The following LRMDA variants were observed in gnomAD, a reference collection of about 807,000 sequenced individuals.
LRMDA encodes the protein leucine rich melanocyte differentiation associated.
A neutral mutation model predicts 29.8 loss-of-function variants in LRMDA; 18 were observed. That is an observed-to-expected ratio of 0.60 (90% CI 0.42 to 0.90). The LOEUF (loss-of-function observed/expected upper bound fraction) is 0.90. LRMDA is among the 40% of genes least tolerant of loss of function. The pLI is 0.00. For synonymous variants in LRMDA, 125 were observed against 109.4 expected (o/e 1.14, Z -0.89); for missense variants, 273 against 273.9 (o/e 1.00, Z 0.02).
intron 5 of LRMDA, among the ~76,000 whole-genome samples, chr10:76,241,041 C>T (rs888535575): frequency 6.6e-6 from 1 of 151,782 alleles, no homozygotes; most frequent in East Asian, 1.9e-4. Context: ...TGTTATCACT[C>T]ATAAATGGGA....
At chr10:75,460,760 A>G (rs998779034) in intron 2 of LRMDA, among the ~76,000 whole-genome samples, 17 of 151,740 alleles carry the variant, frequency 1.1e-4, no homozygotes, top group African/African-American at 3.9e-4. Context: ...TTTTTGGTTA[A>G]TTTGGTTTTT....
At chr10:76,315,925 C>G (rs1234999854) in intron 5 of LRMDA, among the ~76,000 whole-genome samples, 2 of 152,170 alleles carry the variant, frequency 1.3e-5, no homozygotes, top group Non-Finnish European at 2.9e-5. Flanking sequence ...GACCTGCCTG[C>G]AGAAAGGAGC....
chr10:75,834,207 T>C (rs1208282015), intron 2 of LRMDA, among the ~76,000 whole-genome samples: 6 of 152,212 alleles, frequency 3.9e-5, no homozygotes, highest in African/African-American at 1.4e-4. Flanking sequence ...ATGTATGTCA[T>C]GGGGATTCAT....
chr10:76,365,539 T>C (rs1170619512), intron 6 of LRMDA, among the ~76,000 whole-genome samples: 1 of 152,192 alleles, frequency 6.6e-6, no homozygotes, highest in Non-Finnish European at 1.5e-5. Context: ...TGGCCATTTG[T>C]ATATCTTCTT....
intron 2 of LRMDA, among the ~76,000 whole-genome samples, chr10:75,555,534 G>A (rs1326482621): frequency 6.6e-6 from 1 of 152,110 alleles, no homozygotes; most frequent in Non-Finnish European, 1.5e-5. Flanking sequence ...GGCTAGATAA[G>A]GCTGAAACAA....
At chr10:75,941,058 C>T (rs146283115) in intron 2 of LRMDA, among the ~76,000 whole-genome samples, 77 of 152,242 alleles carry the variant, frequency 5.1e-4, no homozygotes, top group African/African-American at 1.8e-3. Context: ...AAAGGCAAAA[C>T]GTAGTTCTGT....
intron 6 of LRMDA, among the ~76,000 whole-genome samples, chr10:76,547,059 C>T (rs968127865): frequency 2.0e-5 from 3 of 152,066 alleles, no homozygotes; most frequent in Admixed American, 6.5e-5. Context: ...GGAGGGGGAG[C>T]ATTAAAAGAG....
chr10:76,091,029 T>G (rs576003480), intron 5 of LRMDA, among the ~76,000 whole-genome samples: 4 of 152,330 alleles, frequency 2.6e-5, no homozygotes, highest in African/African-American at 9.6e-5. Context: ...TGCATCTTTG[T>G]AAGAGAAGGA....
chr10:75,845,775 TGG>T (rs1279167023), intron 2 of LRMDA, among the ~76,000 whole-genome samples: 10 of 152,108 alleles, frequency 6.6e-5, no homozygotes, highest in African/African-American at 2.4e-4. Flanking sequence ...TCCTGTAACT[TGG>T]ATAGAGAGGA....
At chr10:76,353,435 C>A (rs886951170) in intron 6 of LRMDA, among the ~76,000 whole-genome samples, 2 of 151,902 alleles carry the variant, frequency 1.3e-5, no homozygotes, top group African/African-American at 4.8e-5. Context: ...TTGACACATG[C>A]ATGCAGAGTC....
At chr10:76,386,062 A>G (rs1405306706) in intron 6 of LRMDA, among the ~76,000 whole-genome samples, 1 of 152,184 alleles carries the variant, frequency 6.6e-6, no homozygotes, top group Non-Finnish European at 1.5e-5. Flanking sequence ...AAAGGGAGAA[A>G]TTCTTTCAGT....
chr10:76,452,832 T>C (rs779930469), intron 6 of LRMDA, among the ~76,000 whole-genome samples: 16 of 152,224 alleles, frequency 1.1e-4, no homozygotes, highest in Non-Finnish European at 2.1e-4. Flanking sequence ...TAAACTCATA[T>C]TTATCAAATA....
At chr10:75,611,824 G>A (rs535376097) in intron 2 of LRMDA, among the ~76,000 whole-genome samples, 17 of 152,276 alleles carry the variant, frequency 1.1e-4, no homozygotes, top group African/African-American at 3.6e-4. Flanking sequence ...GCCAAATGCC[G>A]TCAGCTAGTG....
At chr10:76,376,393 C>T (rs762061708) in intron 6 of LRMDA, among the ~76,000 whole-genome samples, 4 of 152,064 alleles carry the variant, frequency 2.6e-5, no homozygotes, top group Non-Finnish European at 5.9e-5. Flanking sequence ...ATCTACCTAT[C>T]TATACATACA....
At chr10:75,625,148 G>A (rs1049705224) in intron 2 of LRMDA, among the ~76,000 whole-genome samples, 1 of 152,212 alleles carries the variant, frequency 6.6e-6, no homozygotes, top group Admixed American at 6.5e-5. Context: ...TTGGGGCAGA[G>A]CTTGAGTGGG....
intron 2 of LRMDA, among the ~76,000 whole-genome samples, chr10:75,561,170 CTT>C (rs1214366343): frequency 1.3e-5 from 2 of 151,274 alleles, no homozygotes; most frequent in Non-Finnish European, 1.5e-5. Context: ...GTCCTGGACT[CTT>C]TTTGGTTGGT....
chr10:75,603,197 G>A (rs1419766724), intron 2 of LRMDA, among the ~76,000 whole-genome samples: 1 of 143,458 alleles, frequency 7.0e-6, no homozygotes, highest in Admixed American at 6.8e-5. Context: ...TTTTTTTTAA[G>A]TCAGTATTTT....
intron 6 of LRMDA, among the ~76,000 whole-genome samples, chr10:76,544,506 T>G: frequency 6.6e-6 from 1 of 152,122 alleles, no homozygotes; most frequent in East Asian, 1.9e-4. Context: ...CTCTGGTGCC[T>G]TCATTAAGTT....
chr10:75,802,368 A>C (rs1443187387), intron 2 of LRMDA, among the ~76,000 whole-genome samples: 1 of 144,196 alleles, frequency 6.9e-6, no homozygotes. Flanking sequence ...CACACACACA[A>C]TAGGGAAGGA....
Sources: allele counts gnomAD v4.1 joint callset (sites outside exome capture counted in the v4.1 genomes callset), GRCh38; gene constraint gnomAD v4.1.1; transcripts MANE v1.5; gene names NCBI Gene and HGNC (gene_info 2026-07-23, HGNC 2026-07-21).